TECRL: variants seen among roughly 807,000 people sequenced by gnomAD.
TECRL encodes the protein trans-2,3-enoyl-CoA reductase-like.
TECRL carries 63 observed loss-of-function variants against 52.8 expected under a neutral mutation model. That is an observed-to-expected ratio of 1.19 (90% CI 0.97 to 1.47). The LOEUF (loss-of-function observed/expected upper bound fraction) is 1.47, where lower values mean the gene tolerates loss of function less well. Ranked by LOEUF, TECRL falls within the 40% of genes most tolerant of loss-of-function variation. TECRL has a pLI of 0.00. For synonymous variants in TECRL, 164 were observed against 141.9 expected (o/e 1.16, Z -1.10); for missense variants, 482 against 429.6 (o/e 1.12, Z -1.08).
intron 2 of TECRL, among the ~76,000 whole-genome samples, chr4:64,372,224 CAAAT>C (rs943861589): frequency 2.0e-5 from 3 of 151,612 alleles, no homozygotes; most frequent in African/African-American, 7.3e-5. Context: ...TGTTAAGAAA[CAAAT>C]AGATCAAGAT....
At chr4:64,302,282 G>A (rs939144479) in intron 7 of TECRL, among the ~76,000 whole-genome samples, 1 of 151,382 alleles carries the variant, frequency 6.6e-6, no homozygotes, top group Non-Finnish European at 1.5e-5. Context: ...TTAACTTTAT[G>A]CAGCCAAATT....
At chr4:64,302,048 T>A (rs1260072718) in intron 7 of TECRL, among the ~76,000 whole-genome samples, 1 of 151,318 alleles carries the variant, frequency 6.6e-6, no homozygotes, top group Non-Finnish European at 1.5e-5. Flanking sequence ...AGTAGACATT[T>A]ATATATTAAG....
chr4:64,358,094 T>A (rs1055042816), intron 2 of TECRL, among the ~76,000 whole-genome samples: 4 of 40,394 alleles, frequency 9.9e-5, no homozygotes, highest in Non-Finnish European at 2.1e-4. Flanking sequence ...CCAGTATTAT[T>A]GAAAAAACGA....
intron 1 of TECRL, among the ~76,000 whole-genome samples, chr4:64,394,451 T>A (rs894374797): frequency 6.6e-6 from 1 of 152,292 alleles, no homozygotes; most frequent in African/African-American, 2.4e-5. Context: ...CCACAGACTT[T>A]AATGTAGAAA....
chr4:64,376,628 G>A (rs1722415728), intron 1 of TECRL, among the ~76,000 whole-genome samples: 1 of 151,862 alleles, frequency 6.6e-6, no homozygotes, highest in South Asian at 2.1e-4. Flanking sequence ...ACAGAGTGGA[G>A]TAAAGGCCAC....
intron 8 of TECRL, among the ~76,000 whole-genome samples, chr4:64,294,012 A>G (rs1480823620): frequency 6.6e-6 from 1 of 150,684 alleles, no homozygotes; most frequent in Non-Finnish European, 1.5e-5. Context: ...TTGGAGACGG[A>G]ATCTTGCTCT....
chr4:64,326,257 A>C (rs1718255498), intron 3 of TECRL, among the ~76,000 whole-genome samples: 1 of 152,160 alleles, frequency 6.6e-6, no homozygotes, highest in South Asian at 2.1e-4. Flanking sequence ...AAATCCAATC[A>C]TTTTAAACAT....
rs111813533 is a variant in TECRL at position 64,330,447 on chromosome 4, T to C, written c.287-1891A>G. ...CAAATGTTGATAGCCCATAGGGTGG[T>C]GTTAACATTATAATAGGAGTAAAAT... is the stretch of plus-strand genomic sequence containing the variant. On this transcript the variant is annotated intron_variant, in intron 2 of 11. Transcript: ENST00000381210. Among the ~76,000 whole-genome samples the C allele has an allele frequency of 1.9e-3, 291 of 152,160 alleles. 1 individual carries two copies. The highest frequency in any genetic ancestry group is 6.4e-3 in the African/African-American group (266 of 41,552).
intron 2 of TECRL, among the ~76,000 whole-genome samples, chr4:64,367,129 T>G (rs1373801744): frequency 6.6e-6 from 1 of 152,018 alleles, no homozygotes; most frequent in East Asian, 1.9e-4. Flanking sequence ...TAAATTAACA[T>G]AGGAACAGAA....
chr4:64,304,174 G>A (rs569495259), intron 7 of TECRL, among the ~76,000 whole-genome samples: 13 of 151,762 alleles, frequency 8.6e-5, no homozygotes, highest in African/African-American at 2.9e-4. Flanking sequence ...AACATAGTCT[G>A]GAGCAATACT....
intron 7 of TECRL, among the ~76,000 whole-genome samples, chr4:64,300,714 A>ATT (rs1723969914): frequency 6.6e-6 from 1 of 150,984 alleles, no homozygotes; most frequent in Non-Finnish European, 1.5e-5. Flanking sequence ...TGTAAATTGT[A>ATT]TTTATATAAA....
Position 64,318,663 on chromosome 4 carries a change from A to G in TECRL, c.436-3900T>C, listed in dbSNP as rs78000778. On this transcript the variant is annotated intron_variant, in intron 4 of 11. Transcript: ENST00000381210. ...ACAATGGAATTCAGAAATTAAAAAA[A>G]TAAAATATTGTGAAGTCAAGAAAAG... 8.9e-3 allele frequency among the ~76,000 whole-genome samples: 1,350 copies of G among 152,212 alleles called. 18 individuals are homozygous for G. The highest frequency in any genetic ancestry group is 0.031 in the African/African-American group (1,284 of 41,576).
At chr4:64,343,754 A>T (rs542342700) in intron 2 of TECRL, among the ~76,000 whole-genome samples, 113 of 152,238 alleles carry the variant, frequency 7.4e-4, no homozygotes, top group Non-Finnish European at 1.4e-3. Context: ...TACTCATGGA[A>T]GAATGATTTT....
chr4:64,287,632 T>C (rs1723147204), intron 9 of TECRL, among the ~76,000 whole-genome samples: 1 of 152,096 alleles, frequency 6.6e-6, no homozygotes, highest in Admixed American at 6.6e-5. Flanking sequence ...TACAGGTGAG[T>C]ATAGAAGTAA....
rs113006077 is a variant in TECRL, at chr4:64,385,074, T to A, written c.235-9851A>T. 7.9e-3 allele frequency among the ~76,000 whole-genome samples: 1,206 copies of A among 152,210 alleles called. 13 individuals carry two copies. Among genetic ancestry groups the A allele is most frequent in the African/African-American group, 0.027 (1,136 of 41,534 alleles). The stretch of plus-strand genomic sequence containing the variant: ...TGTCAGGTTTTCCTGATGGTATATG[T>A]GGGTACCAGGGACAGACAGATGGGT... On this transcript the variant is annotated intron_variant, in intron 1 of 11. Transcript: ENST00000381210.
intron 2 of TECRL, among the ~76,000 whole-genome samples, chr4:64,345,932 C>CAAAAAAAA (rs1719944644): frequency 8.0e-5 from 1 of 12,548 alleles, no homozygotes; most frequent in Non-Finnish European, 1.5e-4. Flanking sequence ...AAAAAAAAAA[C>CAAAAAAAA]ATTTATCATA....
chr4:64,394,541 T>C (rs1001298326), intron 1 of TECRL, among the ~76,000 whole-genome samples: 5 of 152,314 alleles, frequency 3.3e-5, no homozygotes, highest in African/African-American at 1.2e-4. Context: ...GCATAAGATA[T>C]ATATTTTACA....
chr4:64,345,314 A>G (rs1287540257), intron 2 of TECRL, among the ~76,000 whole-genome samples: 1 of 152,138 alleles, frequency 6.6e-6, no homozygotes, highest in Admixed American at 6.5e-5. Flanking sequence ...ATGTCCAACA[A>G]TGATAGACTG....
At chr4:64,407,903 G>T (rs1197096950) in intron 1 of TECRL, among the ~76,000 whole-genome samples, 1 of 150,752 alleles carries the variant, frequency 6.6e-6, no homozygotes, top group Non-Finnish European at 1.5e-5. Context: ...AATTATAGAA[G>T]TCCTGAAATA....
Sources: allele counts gnomAD v4.1 joint callset (sites outside exome capture counted in the v4.1 genomes callset), GRCh38; gene constraint gnomAD v4.1.1; transcripts MANE v1.5; gene names NCBI Gene and HGNC (gene_info 2026-07-23, HGNC 2026-07-21).